Variants in TRIM16 observed in about 807,000 individuals in gnomAD.
TRIM16 encodes the protein tripartite motif-containing protein 16.
TRIM16 carries 33 observed loss-of-function variants against 50.4 expected under a neutral mutation model. That is an observed-to-expected ratio of 0.65 (90% confidence interval 0.50 to 0.88). The LOEUF (loss-of-function observed/expected upper bound fraction) is 0.88, where lower values mean the gene tolerates loss of function less well. TRIM16 is among the 40% of genes least tolerant of loss of function. The pLI, the probability that TRIM16 is intolerant of heterozygous loss-of-function variation, is 0.00. For synonymous variants in TRIM16, 229 were observed against 270.7 expected, an observed-to-expected ratio of 0.85 and a Z score of 1.51; for missense variants, 581 against 686.8, an observed-to-expected ratio of 0.85 and a Z score of 1.72.
intron 7 of TRIM16, among the ~76,000 whole-genome samples, chr17:15,647,816 TACACACACACACACACACACAC>T (rs558765410): frequency 7.2e-6 from 1 of 139,134 alleles, no homozygotes; most frequent in African/African-American, 2.8e-5. Context: ...CCAGATTTCA[TACACACACACACACACACACAC>T]ACACACACAC....
intron 6 of TRIM16, chr17:15,675,427 G>A (rs1419187532): frequency 1.2e-5 from 2 of 167,140 alleles, no homozygotes; most frequent in South Asian, 2.1e-4. Context: ...TGAACTACAC[G>A]AAAGCTCTGC....
chr17:15,674,045 G>A (rs1988822973), intron 6 of TRIM16, among the ~76,000 whole-genome samples: 2 of 152,118 alleles, frequency 1.3e-5, no homozygotes, highest in Admixed American at 1.3e-4. Flanking sequence ...AGAAAGGGGA[G>A]ATGGAAAAAG....
chr17:15,629,650 G>A (rs1986306555), intron 11 of TRIM16, among the ~76,000 whole-genome samples: 1 of 152,256 alleles, frequency 6.6e-6, no homozygotes, highest in Non-Finnish European at 1.5e-5. Flanking sequence ...ATCAAATGGA[G>A]CATGAAGAAC....
rs1348565250 is a variant in TRIM16 at position 15,634,638 on chromosome 17, A to AAAG, written c.849+1397_849+1398insCTT. On this transcript the variant is annotated intron_variant, in intron 9 of 11. Transcript: ENST00000649191. ...AAGAGTGAAACTCAGTCTCAAAAAA[A>AAAG]AAAAAAAACAAATAAAAATAAAAAT... 2.1e-5 allele frequency among the ~76,000 whole-genome samples: 3 copies of AAAG among 141,508 alleles called. 1 individual carries two copies. The highest frequency in any genetic ancestry group is 8.4e-5 in the African/African-American group (3 of 35,842). The allele number at this position is 141,508 out of a possible 152,430, so 92.8% of individuals were successfully genotyped here.
At chr17:15,636,014 T>C (rs1450384589) in intron 9 of TRIM16, 22 bp downstream of exon 9, 1 of 1,611,046 alleles carries the variant, frequency 6.2e-7, no homozygotes, top group Admixed American at 1.7e-5. Context: ...GTGGGATGCC[T>C]CTGCCCCCGC....
At chr17:15,646,916 C>G (rs966260826) in intron 7 of TRIM16, among the ~76,000 whole-genome samples, 12 of 151,948 alleles carry the variant, frequency 7.9e-5, no homozygotes, top group African/African-American at 2.9e-4. Flanking sequence ...ATAAGAAAAA[C>G]AAGTTACGTA....
intron 7 of TRIM16, among the ~76,000 whole-genome samples, chr17:15,644,481 C>T (rs372512151): frequency 6.6e-6 from 1 of 152,182 alleles, no homozygotes; most frequent in Admixed American, 6.5e-5. Flanking sequence ...TGAACCACCG[C>T]GCCTGATGCC....
At position 15,632,711 on chromosome 17, in the gene TRIM16, C is replaced by G. The variant is rs186841; in HGVS notation, c.850-37G>C. On this transcript the variant is annotated intron_variant, in intron 9 of 11. Transcript: ENST00000649191. ...GAAACAGCAGAACTTGCTGTGGTTT[C>G]TGTATTTCTAAACTCGGGCTTCTCT... 5,539 of 1,518,888 alleles carry G rather than the reference C, an allele frequency of 3.6e-3. 15 individuals carry two copies. Among genetic ancestry groups the G allele is most frequent in the Non-Finnish European group, 4.5e-3 (5,106 of 1,131,864 alleles). 94.1% of individuals were successfully genotyped at this position (1,518,888 alleles called of 1,614,324 possible). A position where few individuals can be genotyped will look rare whatever the true frequency, so the allele number is the denominator to read the frequency against.
intron 6 of TRIM16, among the ~76,000 whole-genome samples, chr17:15,671,458 G>T (rs1384745630): frequency 6.6e-6 from 1 of 151,450 alleles, no homozygotes; most frequent in South Asian, 2.1e-4. Flanking sequence ...AGTATGAGAT[G>T]ATTTTTCCTG....
Position 15,651,924 on chromosome 17 carries a change from G to C in TRIM16, c.-315C>G, listed in dbSNP as rs1237734030. ...TCTGAACCCCATAGGCTCTGCTGAA[G>C]ACCACGTGTCTCTGTGCCTGCTCTG... On this transcript the variant is annotated 5_prime_UTR_variant, in exon 7 of 12. Transcript: ENST00000649191. The C allele has an allele frequency of 5.4e-6, 7 of 1,291,606 alleles. No homozygotes were observed. The East Asian group carries it at 1.9e-4, about 35-fold the overall frequency. The allele number at this position is 1,291,606 out of a possible 1,614,324, so 80.0% of individuals were successfully genotyped here.
At chr17:15,632,783 G>A in intron 9 of TRIM16, 109 bp from the exon 10 acceptor site, 1 of 1,314,642 alleles carries the variant, frequency 7.6e-7, no homozygotes, top group East Asian at 2.5e-5. Context: ...TGACGGTAAT[G>A]TGTCCTTCAC....
Position 15,632,370 on chromosome 17 carries a change from G to A in TRIM16, c.1015+139C>T, listed in dbSNP as rs1279144583. 22 of 1,324,160 alleles carry A rather than the reference G, an allele frequency of 1.7e-5. 1 individual carries two copies. The highest frequency in any genetic ancestry group is 2.0e-6 in the Non-Finnish European group (2 of 986,114). The allele number at this position is 1,324,160 out of a possible 1,614,324, so 82.0% of individuals were successfully genotyped here. A position where few individuals can be genotyped will look rare whatever the true frequency, so the allele number is the denominator to read the frequency against. ...CCAGCCTGGGTGACAGAGCAAGACT[G>A]TCTCACAGAAAAAGAAAAAAAAAAG... On this transcript the variant is annotated intron_variant, in intron 10 of 11. Coordinates refer to ENST00000649191, the MANE Select transcript of TRIM16 (RefSeq NM_001348119.1).
At chr17:15,653,636 G>A (rs370990849) in intron 6 of TRIM16, among the ~76,000 whole-genome samples, 6 of 152,042 alleles carry the variant, frequency 3.9e-5, no homozygotes, top group East Asian at 1.9e-4. Context: ...ACTAGATTAG[G>A]GCCCACCCTC....
At position 15,633,604 on chromosome 17, in the gene TRIM16, A is replaced by G. The variant is rs1271698347; in HGVS notation, c.850-930T>C. Among the ~76,000 whole-genome samples, 14 of 144,942 alleles carry G rather than the reference A, an allele frequency of 9.7e-5. 1 individual carries two copies. Among genetic ancestry groups the G allele is most frequent in the Non-Finnish European group, 1.8e-4 (12 of 66,082 alleles). On this transcript the variant is annotated intron_variant, in intron 9 of 11. Transcript: ENST00000649191. Reference sequence around the variant, plus strand: ...ACCCAGGCTGGAGTGCAATGGCGCAATCTCGGCTCACTGCAACCTCTTGCC... The same window carrying G: ...ACCCAGGCTGGAGTGCAATGGCGCAGTCTCGGCTCACTGCAACCTCTTGCC...
intron 6 of TRIM16, among the ~76,000 whole-genome samples, chr17:15,664,846 A>ACC (rs1205381859): frequency 6.6e-6 from 1 of 152,048 alleles, no homozygotes; most frequent in Non-Finnish European, 1.5e-5. Context: ...AGCCTGGCCA[A>ACC]CATGGTGAAA....
intron 7 of TRIM16, among the ~76,000 whole-genome samples, chr17:15,648,264 C>CAAAA (rs369890282): frequency 6.8e-6 from 1 of 146,182 alleles, no homozygotes; most frequent in African/African-American, 2.6e-5. Flanking sequence ...AACAAACAAA[C>CAAAA]AAAAAAACAC....
chr17:15,651,016 A>T, intron 7 of TRIM16, 75 bp downstream of exon 7: 2 of 1,540,312 alleles, frequency 1.3e-6, no homozygotes, highest in Non-Finnish European at 1.8e-6. Context: ...CAGTGGACCT[A>T]GCAGCTGCAG....
chr17:15,662,848 T>C (rs1002284083), intron 6 of TRIM16, among the ~76,000 whole-genome samples: 1 of 152,164 alleles, frequency 6.6e-6, no homozygotes, highest in Non-Finnish European at 1.5e-5. Flanking sequence ...ACACTGGTGA[T>C]TACAGGGCCA....
At chr17:15,675,644 T>C (rs1347180959) in intron 6 of TRIM16, 1 of 178,314 alleles carries the variant, frequency 5.6e-6, no homozygotes, top group Non-Finnish European at 1.4e-5. Context: ...AAAGAAACCA[T>C]TTGATTGTCA....
Sources: gnomAD v4.1 joint callset for allele counts (sites outside exome capture counted in the v4.1 genomes callset) on GRCh38, gnomAD v4.1.1 for gene constraint, MANE v1.5 for transcripts, NCBI Gene and HGNC (gene_info 2026-07-23, HGNC 2026-07-21) for gene names.